The following COMT variants were observed in gnomAD, a reference collection of about 807,000 sequenced individuals.
The protein encoded by COMT is catechol-O-methyltransferase, also known as catechol O-methyltransferase.
In COMT, 13 loss-of-function variants were observed where a neutral mutation model predicts 18.9. That is an observed-to-expected ratio of 0.69 (90% CI 0.45 to 1.09). The LOEUF (loss-of-function observed/expected upper bound fraction) is 1.09. COMT is among the 50% of genes least tolerant of loss of function. The pLI is 0.00. For synonymous variants in COMT, 150 were observed against 160.9 expected (o/e 0.93, Z 0.51); for missense variants, 329 against 361.8 (o/e 0.91, Z 0.73).
rs1016849679 is a variant in COMT, at chr22:19,963,303, T to G, written c.290-263T>G. On this transcript the variant is annotated intron_variant, in intron 3 of 5. Transcript: ENST00000361682. The stretch of plus-strand genomic sequence containing the variant: ...GGCCAGCCAGGAAGGGTGGAAAAGA[T>G]AGGGACCAGCGTGAGCATAGAGGCT... The G allele has an allele frequency of 1.2e-5, 7 of 590,408 alleles. No homozygotes were observed. The African/African-American group carries it at 1.3e-4, about 11-fold the overall frequency. 36.6% of individuals were successfully genotyped at this position (590,408 alleles called of 1,614,324 possible). A position where few individuals can be genotyped will look rare whatever the true frequency, so the allele number is the denominator to read the frequency against.
intron 1 of COMT, among the ~76,000 whole-genome samples, chr22:19,951,284 G>C (rs1456719075): frequency 6.6e-6 from 1 of 151,292 alleles, no homozygotes; most frequent in East Asian, 1.9e-4. Flanking sequence ...GCATGAACCC[G>C]GGGGACGGAG....
intron 1 of COMT, among the ~76,000 whole-genome samples, chr22:19,943,554 A>T (rs1771780508): frequency 6.6e-6 from 1 of 151,982 alleles, no homozygotes; most frequent in African/African-American, 2.4e-5. Flanking sequence ...AGGTGAAAAG[A>T]TCGTTTGAGC....
At chr22:19,968,094 T>C (rs1315245764) in intron 5 of COMT, among the ~76,000 whole-genome samples, 1 of 152,148 alleles carries the variant, frequency 6.6e-6, no homozygotes, top group Non-Finnish European at 1.5e-5. Flanking sequence ...ACCTCAGCCC[T>C]GCAGGGTCAC....
chr22:19,952,190 C>A (rs748057296), intron 1 of COMT, among the ~76,000 whole-genome samples: 1 of 152,190 alleles, frequency 6.6e-6, no homozygotes, highest in African/African-American at 2.4e-5. Flanking sequence ...CTGTGTAGTC[C>A]CAGTTACTCA....
At position 19,963,582 on chromosome 22, in the gene COMT, C is replaced by CGTGATTCAGGAGCACCAGCCCTCA; in HGVS notation, c.329_330insAGTGATTCAGGAGCACCAGCCCTC (p.Ile104_Val111dup). The CGTGATTCAGGAGCACCAGCCCTCA allele has an allele frequency of 6.2e-7, 1 of 1,612,528 alleles. No individual in the cohort carries two copies. Among genetic ancestry groups the CGTGATTCAGGAGCACCAGCCCTCA allele is most frequent in the East Asian group, 2.2e-5 (1 of 44,874 alleles). ...CCTGCACAGGCAAGATCGTGGACGC[C>CGTGATTCAGGAGCACCAGCCCTCA]GTGATTCAGGAGCACCAGCCCTCCG... On this transcript the variant is annotated inframe_insertion, in exon 4 of 6. Coordinates refer to ENST00000361682, the MANE Select transcript of COMT (RefSeq NM_000754.4).
At position 19,964,259 on chromosome 22, in the gene COMT, A is replaced by G. The variant is rs1410147025; in HGVS notation, c.575A>G (p.His192Arg). ...VDTLDMVFLD[H>R]WKDRYLPDTL... ...ACACTGGACATGGTCTTCCTCGACCACTGGAAGGACCGGTACCTGCCGGAC... is the reference window on the plus strand; with the variant it reads ...ACACTGGACATGGTCTTCCTCGACCGCTGGAAGGACCGGTACCTGCCGGAC... Residue 192 changes from histidine (H) to arginine (R), a missense_variant, in exon 5 of 6, where the codon CAC becomes CGC. Transcript: ENST00000361682. The G allele has an allele frequency of 3.1e-6, 5 of 1,614,064 alleles. No homozygotes were observed. The Admixed American group carries it at 6.7e-5, about 22-fold the overall frequency.
intron 5 of COMT, 196 bp downstream of exon 5, chr22:19,964,495 GC>G: frequency 1.2e-6 from 1 of 833,704 alleles, no homozygotes. Context: ...GGGGAGCTGG[GC>G]CAGGGGCCTG....
chr22:19,962,299 G>A, intron 2 of COMT: 1 of 662,742 alleles, frequency 1.5e-6, no homozygotes. Context: ...CTCCACACAG[G>A]ACTGCCAGAG....
intron 1 of COMT, among the ~76,000 whole-genome samples, chr22:19,943,277 A>G (rs767835078): frequency 7.9e-5 from 12 of 152,210 alleles, no homozygotes; most frequent in Non-Finnish European, 1.5e-4. Flanking sequence ...ATAAACTACC[A>G]GCGGGACCAT....
chr22:19,954,665 C>G (rs1601517096), intron 1 of COMT, among the ~76,000 whole-genome samples: 2 of 152,132 alleles, frequency 1.3e-5, no homozygotes, highest in South Asian at 4.1e-4. Context: ...GTTGGTCAGG[C>G]TGTTCTTGAA....
At chr22:19,947,124 C>G (rs1315944851) in intron 1 of COMT, among the ~76,000 whole-genome samples, 1 of 152,000 alleles carries the variant, frequency 6.6e-6, no homozygotes, top group Non-Finnish European at 1.5e-5. Context: ...CCACACTGGC[C>G]AGGCTGGTCT....
At chr22:19,967,383 T>C (rs536753773) in intron 5 of COMT, 2 of 480,908 alleles carry the variant, frequency 4.2e-6, no homozygotes, top group Middle Eastern at 3.2e-4. Flanking sequence ...TCAGCTGACA[T>C]TGCTAGGACA....
chr22:19,952,467 G>A (rs545892956), intron 1 of COMT, among the ~76,000 whole-genome samples: 8 of 152,144 alleles, frequency 5.3e-5, no homozygotes, highest in East Asian at 1.9e-4. Flanking sequence ...GTGAAACCCC[G>A]TCTCTACCAA....
intron 5 of COMT, 50 bp downstream of exon 5, chr22:19,964,349 T>G (rs767796788): frequency 8.1e-6 from 13 of 1,612,918 alleles, no homozygotes; most frequent in East Asian, 2.2e-5. Context: ...CCAGAGCCCA[T>G]TCAGTCAGCC....
intron 1 of COMT, among the ~76,000 whole-genome samples, chr22:19,959,510 G>A (rs1942142352): frequency 6.6e-6 from 1 of 152,140 alleles, no homozygotes; most frequent in Non-Finnish European, 1.5e-5. Flanking sequence ...CCAGCGAGCA[G>A]AGAGGAGGGT....
intron 2 of COMT, among the ~76,000 whole-genome samples, chr22:19,961,526 C>A (rs2146162354): frequency 6.6e-6 from 1 of 152,324 alleles, no homozygotes; most frequent in African/African-American, 2.4e-5. Flanking sequence ...GGGGTGTCCC[C>A]TCTGTGGCCC....
intron 1 of COMT, among the ~76,000 whole-genome samples, chr22:19,960,868 T>C (rs1242661896): frequency 6.6e-6 from 1 of 152,216 alleles, no homozygotes; most frequent in Non-Finnish European, 1.5e-5. Flanking sequence ...TCAGGGGAAA[T>C]ACAACTTGAG....
chr22:19,969,053 A>C lies in COMT; in HGVS notation c.*317A>C. ...AACTCGACTTAGTACATCCTTCTCA[A>C]CTGCCATTCCCCTGCTGCCCTTGAC... On this transcript the variant is annotated 3_prime_UTR_variant, in exon 6 of 6. Coordinates refer to ENST00000361682, the MANE Select transcript of COMT (RefSeq NM_000754.4). 7.9e-6 allele frequency: 2 copies of C among 254,130 alleles called. No individual in the cohort carries two copies. The highest frequency in any genetic ancestry group is 4.2e-5 in the South Asian group (1 of 23,572). The allele number at this position is 254,130 out of a possible 1,614,324, so 15.7% of individuals were successfully genotyped here. A position where few individuals can be genotyped will look rare whatever the true frequency, so the allele number is the denominator to read the frequency against.
Position 19,968,975 on chromosome 22 carries a change from TATC to T in COMT, c.*242_*244del, listed in dbSNP as rs1455260178. 5 of 436,222 alleles carry T rather than the reference TATC, an allele frequency of 1.1e-5. No individual in the cohort carries two copies. Among genetic ancestry groups the T allele is most frequent in the African/African-American group, 9.9e-5 (5 of 50,426 alleles). The allele number at this position is 436,222 out of a possible 1,614,324, so 27.0% of individuals were successfully genotyped here. A position where few individuals can be genotyped will look rare whatever the true frequency, so the allele number is the denominator to read the frequency against. On this transcript the variant is annotated 3_prime_UTR_variant, in exon 6 of 6. Coordinates refer to ENST00000361682, the MANE Select transcript of COMT (RefSeq NM_000754.4). ...CTAGCTATATTATCTTATATACTAATATCATGTTTTAAAAATATAAAATAGAAA... is the reference window on the plus strand; with the variant it reads ...CTAGCTATATTATCTTATATACTAATATGTTTTAAAAATATAAAATAGAAA...
Sources: gnomAD v4.1 joint callset for allele counts (sites outside exome capture counted in the v4.1 genomes callset) on GRCh38, gnomAD v4.1.1 for gene constraint, MANE v1.5 for transcripts, NCBI Gene and HGNC (gene_info 2026-07-23, HGNC 2026-07-21) for gene names.